RBFOX1: variants seen among roughly 807,000 people sequenced by gnomAD.
The protein encoded by RBFOX1 is RNA binding fox-1 homolog 1.
In RBFOX1, 8 loss-of-function variants were observed where a neutral mutation model predicts 57.7. The ratio of observed to expected loss-of-function variants is 0.14; its 90% CI spans 0.08 to 0.25. The LOEUF (loss-of-function observed/expected upper bound fraction) is 0.25. RBFOX1 is among the 10% of genes least tolerant of loss of function. RBFOX1 has a pLI of 1.00. For missense variants in RBFOX1, 611 were observed against 548.5 expected, an observed-to-expected ratio of 1.11 and a Z score of -1.14; for synonymous variants, 326 against 222.4, an observed-to-expected ratio of 1.47 and a Z score of -4.15.
At chr16:6,809,220 GTC>G (rs2087767657) in intron 3 of RBFOX1, among the ~76,000 whole-genome samples, 1 of 152,148 alleles carries the variant, frequency 6.6e-6, no homozygotes, top group African/African-American at 2.4e-5. Context: ...CTACGCTGGA[GTC>G]TCTGAATCTC....
At chr16:6,662,785 T>C (rs1441027135) in intron 3 of RBFOX1, among the ~76,000 whole-genome samples, 1 of 149,326 alleles carries the variant, frequency 6.7e-6, no homozygotes, top group African/African-American at 2.5e-5. Context: ...ACTTTTGCAT[T>C]AGAGTTACTT....
intron 4 of RBFOX1, among the ~76,000 whole-genome samples, chr16:7,149,373 A>T (rs1415552581): frequency 6.6e-6 from 1 of 151,806 alleles, no homozygotes; most frequent in African/African-American, 2.4e-5. Context: ...AAGTACATCC[A>T]TTGATCCCCC....
chr16:6,732,870 A>C (rs1332835864), intron 3 of RBFOX1, among the ~76,000 whole-genome samples: 1 of 152,178 alleles, frequency 6.6e-6, no homozygotes, highest in Non-Finnish European at 1.5e-5. Flanking sequence ...TTCACAACAA[A>C]TTTGCATCTG....
chr16:5,834,768 TGCAC>T, intron 3 of RBFOX1, among the ~76,000 whole-genome samples: 1 of 147,400 alleles, frequency 6.8e-6, no homozygotes, highest in African/African-American at 2.6e-5. Context: ...CATACATACA[TGCAC>T]AGATGATAGA....
intron 4 of RBFOX1, among the ~76,000 whole-genome samples, chr16:7,412,733 T>G (rs1455346659): frequency 6.6e-6 from 1 of 152,196 alleles, no homozygotes; most frequent in African/African-American, 2.4e-5. Flanking sequence ...ATTCAGATTT[T>G]CCCAGGCTGA....
Position 6,119,707 on chromosome 16 carries a change from T to C in RBFOX1, c.-127+99715T>C, listed in dbSNP as rs568908555. Among the ~76,000 whole-genome samples, 3 of 152,288 alleles carry C rather than the reference T, an allele frequency of 2.0e-5. No homozygotes were observed. The South Asian group carries it at 6.2e-4, about 32-fold the overall frequency. On this transcript the variant is annotated intron_variant, in intron 1 of 15. Coordinates refer to ENST00000550418, the MANE Select transcript of RBFOX1 (RefSeq NM_018723.4). ...GTGGCTCAAATCATTCCACAGGGTA[T>C]CCACAGGCTGGTTTCAGACTCGTGA...
At chr16:7,563,806 C>T (rs138793544) in intron 5 of RBFOX1, among the ~76,000 whole-genome samples, 2 of 143,866 alleles carry the variant, frequency 1.4e-5, no homozygotes, top group African/African-American at 4.9e-5. Context: ...AACCAAAAGC[C>T]AAATCTTTGC....
chr16:5,600,710 A>G (rs555166917), downstream of RBFOX1, among the ~76,000 whole-genome samples: 30 of 152,044 alleles, frequency 2.0e-4, no homozygotes, highest in Non-Finnish European at 3.7e-4. Context: ...CTGGATTTTT[A>G]TAATAAACCT....
chr16:5,356,851 AC>A (rs1466223297), intron 1 of RBFOX1, among the ~76,000 whole-genome samples: 1 of 152,216 alleles, frequency 6.6e-6, no homozygotes, highest in Non-Finnish European at 1.5e-5. Context: ...CGATAGTAAT[AC>A]TATTGATAAT....
At chr16:7,234,588 ATGTGTG>A (rs138784510) in intron 4 of RBFOX1, among the ~76,000 whole-genome samples, 53 of 141,810 alleles carry the variant, frequency 3.7e-4, no homozygotes, top group Admixed American at 2.6e-3. Context: ...GTGTATACAT[ATGTGTG>A]TGTGTGTGTG....
At chr16:6,982,522 C>T (rs118033612) in intron 3 of RBFOX1, among the ~76,000 whole-genome samples, 7,662 of 152,226 alleles carry the variant, frequency 0.05, 281 homozygotes, top group Non-Finnish European at 0.067. Context: ...CAGACGGCCT[C>T]GCCCTCTGTT....
chr16:6,378,132 T>C (rs1051642056), intron 2 of RBFOX1, among the ~76,000 whole-genome samples: 1 of 152,252 alleles, frequency 6.6e-6, no homozygotes, highest in African/African-American at 2.4e-5. Flanking sequence ...AAGACCAGGC[T>C]GGAGGCTCAG....
intron 3 of RBFOX1, among the ~76,000 whole-genome samples, chr16:5,719,873 A>G (rs1194048750): frequency 6.6e-6 from 1 of 152,136 alleles, no homozygotes; most frequent in African/African-American, 2.4e-5. Flanking sequence ...ATTTGTGAAC[A>G]CGTTTTTATG....
chr16:5,340,850 CT>C (rs2065016416), intron 1 of RBFOX1, among the ~76,000 whole-genome samples: 1 of 152,142 alleles, frequency 6.6e-6, no homozygotes, highest in Non-Finnish European at 1.5e-5. Context: ...CAGACAAGTC[CT>C]ACAGTTCCAG....
intron 4 of RBFOX1, among the ~76,000 whole-genome samples, chr16:7,432,181 C>T (rs541262559): frequency 6.6e-6 from 1 of 152,222 alleles, no homozygotes; most frequent in African/African-American, 2.4e-5. Context: ...GAGCTTTTGC[C>T]TGGGGCGGAA....
intron 2 of RBFOX1, among the ~76,000 whole-genome samples, chr16:6,517,537 TG>T (rs1231539774): frequency 6.6e-6 from 1 of 152,088 alleles, no homozygotes; most frequent in Non-Finnish European, 1.5e-5. Context: ...ACTGCCGAAG[TG>T]GGAGAGGATG....
chr16:5,402,480 G>A (rs1596873974), intron 1 of RBFOX1, among the ~76,000 whole-genome samples: 1 of 152,128 alleles, frequency 6.6e-6, no homozygotes, highest in Non-Finnish European at 1.5e-5. Flanking sequence ...GTACCATCTG[G>A]TATTTGTCAG....
At chr16:7,090,454 A>AG (rs2060640204) in intron 4 of RBFOX1, among the ~76,000 whole-genome samples, 1 of 152,176 alleles carries the variant, frequency 6.6e-6, no homozygotes, top group African/African-American at 2.4e-5. Flanking sequence ...TGTATTTGAA[A>AG]GGTAAAGAAA....
chr16:7,489,902 A>G (rs8051868), intron 4 of RBFOX1, among the ~76,000 whole-genome samples: 59,069 of 151,936 alleles, frequency 0.39, 14,091 homozygotes, highest in Non-Finnish European at 0.54. Flanking sequence ...TGCATGTACA[A>G]TGGTTTTAAA....
Sources: gnomAD v4.1 joint callset for allele counts (sites outside exome capture counted in the v4.1 genomes callset) on GRCh38, gnomAD v4.1.1 for gene constraint, MANE v1.5 for transcripts, NCBI Gene and HGNC (gene_info 2026-07-23, HGNC 2026-07-21) for gene names.